GRIK1: variants seen among roughly 807,000 people sequenced by gnomAD.
GRIK1 encodes the protein glutamate receptor ionotropic, kainate 1.
A neutral mutation model predicts 105.7 loss-of-function variants in GRIK1; 69 were observed. That is an observed-to-expected ratio of 0.65 (90% CI 0.54 to 0.80). GRIK1 has a LOEUF of 0.80. GRIK1 is among the 30% of genes least tolerant of loss of function. The probability of loss-of-function intolerance (pLI) is 0.00; values close to 1 mark genes in which losing one functional copy is unlikely to be tolerated. For synonymous variants in GRIK1, 438 were observed against 431.3 expected (o/e 1.02, Z -0.19); for missense variants, 1,109 against 1,167.3 (o/e 0.95, Z 0.73).
intron 1 of GRIK1, among the ~76,000 whole-genome samples, chr21:29,857,173 C>T (rs574346130): frequency 2.0e-5 from 3 of 151,706 alleles, no homozygotes; most frequent in South Asian, 4.2e-4. Flanking sequence ...ATCAAAGTAA[C>T]GTGGAAGCAG....
intron 4 of GRIK1, among the ~76,000 whole-genome samples, chr21:29,668,943 G>A (rs1601412409): frequency 6.6e-6 from 1 of 152,158 alleles, no homozygotes; most frequent in East Asian, 1.9e-4. Context: ...CAAAGCATCA[G>A]GACCCTGCTG....
At chr21:29,850,438 A>G (rs190286415) in intron 1 of GRIK1, among the ~76,000 whole-genome samples, 1 of 152,204 alleles carries the variant, frequency 6.6e-6, no homozygotes, top group African/African-American at 2.4e-5. Flanking sequence ...TATCGCCCTA[A>G]TGTTCTAACT....
chr21:29,601,701 A>G (rs994494021), intron 7 of GRIK1, among the ~76,000 whole-genome samples: 1 of 152,166 alleles, frequency 6.6e-6, no homozygotes, highest in African/African-American at 2.4e-5. Context: ...CTCCCAGCTT[A>G]TACACCCCTC....
rs1480777897 is a variant in GRIK1 at position 29,587,510 on chromosome 21, G to A, written c.1649C>T (p.Thr550Ile). The A allele has an allele frequency of 6.2e-7, 1 of 1,613,144 alleles. No homozygotes were observed. The highest frequency in any genetic ancestry group is 1.3e-5 in the African/African-American group (1 of 74,918). Residue 550 changes from threonine (T) to isoleucine (I), a missense_variant, in exon 12 of 18, where the codon ACC (threonine) becomes ATC (isoleucine). Thr to Ile is a moderately conservative substitution (Grantham distance 89, BLOSUM62 -1). Transcript: ENST00000327783. The part of the protein sequence containing the change: ...KVIDFSKPFM[T>I]LGISILYRKP... ...CCGGTAGAGAATGCTGATGCCTAGG[G>A]TCATGAAGGGTTTGGAGAAGTCAAT... is the stretch of plus-strand genomic sequence containing the variant.
intron 9 of GRIK1, among the ~76,000 whole-genome samples, chr21:29,595,029 C>A (rs576904870): frequency 1.3e-5 from 2 of 151,986 alleles, no homozygotes; most frequent in African/African-American, 2.4e-5. Flanking sequence ...CTGAGTGGGT[C>A]GCCTGTGCTA....
At chr21:29,615,386 T>C (rs934412791) in intron 7 of GRIK1, among the ~76,000 whole-genome samples, 1 of 152,134 alleles carries the variant, frequency 6.6e-6, no homozygotes, top group African/African-American at 2.4e-5. Context: ...CTCTGCTCAC[T>C]GTAACTTCTG....
At chr21:29,933,672 C>T (rs1287198896) in intron 1 of GRIK1, among the ~76,000 whole-genome samples, 3 of 151,986 alleles carry the variant, frequency 2.0e-5, no homozygotes, top group Non-Finnish European at 2.9e-5. Context: ...GTATGCCATG[C>T]ATTTTACATG....
chr21:29,925,515 G>A (rs529833639), intron 1 of GRIK1, among the ~76,000 whole-genome samples: 23 of 152,212 alleles, frequency 1.5e-4, no homozygotes, highest in Non-Finnish European at 2.8e-4. Flanking sequence ...AAATGACAGA[G>A]AGGGTGTGAA....
At chr21:29,807,155 G>A (rs1300362021) in intron 1 of GRIK1, among the ~76,000 whole-genome samples, 1 of 152,136 alleles carries the variant, frequency 6.6e-6, no homozygotes, top group Non-Finnish European at 1.5e-5. Flanking sequence ...AATTCTTCAA[G>A]GGATGAGTTA....
intron 1 of GRIK1, among the ~76,000 whole-genome samples, chr21:29,852,981 G>A (rs1202758515): frequency 2.0e-5 from 3 of 152,120 alleles, no homozygotes; most frequent in Non-Finnish European, 4.4e-5. Flanking sequence ...AAAGCTTTAA[G>A]ATTTGCATAA....
At chr21:29,836,675 A>G (rs1352837272) in intron 1 of GRIK1, among the ~76,000 whole-genome samples, 1 of 152,152 alleles carries the variant, frequency 6.6e-6, no homozygotes, top group Admixed American at 6.5e-5. Flanking sequence ...TTGCATATAT[A>G]TATATATTTA....
At chr21:29,709,519 A>G (rs1279551839) in intron 1 of GRIK1, among the ~76,000 whole-genome samples, 1 of 151,894 alleles carries the variant, frequency 6.6e-6, no homozygotes, top group African/African-American at 2.4e-5. Context: ...GACCTCAGGT[A>G]ATCTTGAAAA....
chr21:29,702,241 C>G (rs1181343314), intron 1 of GRIK1, among the ~76,000 whole-genome samples: 1 of 152,124 alleles, frequency 6.6e-6, no homozygotes, highest in Non-Finnish European at 1.5e-5. Context: ...AGCAACCCAC[C>G]ATGACACATA....
At chr21:29,628,488 TTAAC>T (rs2062184813) in intron 7 of GRIK1, among the ~76,000 whole-genome samples, 2 of 152,234 alleles carry the variant, frequency 1.3e-5, no homozygotes, top group South Asian at 4.1e-4. Flanking sequence ...TCTGCTGACT[TTAAC>T]TATGTCTATG....
intron 3 of GRIK1, among the ~76,000 whole-genome samples, chr21:29,685,235 GA>G (rs2063467172): frequency 6.6e-6 from 1 of 152,132 alleles, no homozygotes; most frequent in Admixed American, 6.5e-5. Flanking sequence ...TAGATCTCAG[GA>G]AAAGGCAGCC....
At chr21:29,762,872 C>T (rs2065562499) in intron 1 of GRIK1, among the ~76,000 whole-genome samples, 1 of 152,164 alleles carries the variant, frequency 6.6e-6, no homozygotes, top group South Asian at 2.1e-4. Flanking sequence ...AAATGAAATA[C>T]TGGATATGTC....
At chr21:29,674,192 A>G (rs563482468) in intron 3 of GRIK1, among the ~76,000 whole-genome samples, 1 of 151,940 alleles carries the variant, frequency 6.6e-6, no homozygotes, top group Admixed American at 6.6e-5. Flanking sequence ...TGCTCTGTGC[A>G]AGATTCAGCA....
At chr21:29,931,191 T>C (rs1262830310) in intron 1 of GRIK1, among the ~76,000 whole-genome samples, 1 of 152,246 alleles carries the variant, frequency 6.6e-6, no homozygotes, top group African/African-American at 2.4e-5. Flanking sequence ...TTTTACCTAA[T>C]GTCATTTTCT....
rs1341067158 is a variant in GRIK1, at chr21:29,560,501, TTCCTTCCTTCCTTCC to T, written c.2356+1108_2356+1122del. On this transcript the variant is annotated intron_variant, in intron 15 of 17. Coordinates refer to ENST00000327783, the MANE Select transcript of GRIK1 (RefSeq NM_001330994.2). ...TCTCTCCCTTTCTTTCTTTCTTTCC[TTCCTTCCTTCCTTCC>T]TTCCTTTCTTTCTTTCTTTCTTTCT... is the stretch of plus-strand genomic sequence containing the variant. 2.6e-3 allele frequency among the ~76,000 whole-genome samples: 33 copies of T among 12,732 alleles called. 5 individuals are homozygous for T. Among genetic ancestry groups the T allele is most frequent in the African/African-American group, 0.013 (32 of 2,548 alleles). 8.4% of individuals were successfully genotyped at this position (12,732 alleles called of 152,430 possible). A position where few individuals can be genotyped will look rare whatever the true frequency, so the allele number is the denominator to read the frequency against.
Sources: allele counts gnomAD v4.1 joint callset (sites outside exome capture counted in the v4.1 genomes callset), GRCh38; gene constraint gnomAD v4.1.1; transcripts MANE v1.5; gene names NCBI Gene and HGNC (gene_info 2026-07-23, HGNC 2026-07-21).